Variants in ARAP1 observed in about 807,000 individuals in gnomAD.
The protein encoded by ARAP1 is ArfGAP with RhoGAP domain, ankyrin repeat and PH domain 1.
Under a neutral mutation model 172.2 loss-of-function variants are expected in ARAP1, and 76 were observed. The ratio of observed to expected loss-of-function variants is 0.44; its 90% confidence interval spans 0.37 to 0.53. The LOEUF (loss-of-function observed/expected upper bound fraction) is 0.53. ARAP1 is among the 20% of genes least tolerant of loss of function. The pLI, the probability that ARAP1 is intolerant of heterozygous loss-of-function variation, is 0.00. For synonymous variants in ARAP1, 804 were observed against 803.3 expected (o/e 1.00, Z -0.01); for missense variants, 1,686 against 1,977.5 (o/e 0.85, Z 2.80).
chr11:72,698,617 G>A (rs1254330079), intron 18 of ARAP1, among the ~76,000 whole-genome samples: 7 of 152,134 alleles, frequency 4.6e-5, no homozygotes, highest in East Asian at 3.9e-4. Context: ...TCTAGTCCCC[G>A]AGGCAGAGCT....
chr11:72,698,098 C>A lies in ARAP1; in HGVS notation c.2550G>T (p.Val850=). The A allele has an allele frequency of 6.3e-7, 1 of 1,596,012 alleles. No individual in the cohort carries two copies. Among genetic ancestry groups the A allele is most frequent in the Non-Finnish European group, 8.5e-7 (1 of 1,172,058 alleles). ...EWVKCIAKAF[V]PPLAEDLLAR... ...CCAGCAGATCCTCGGCTAGGGGAGG[C>A]ACGAATGCCTGGCAGAGAGGCGCCG... Residue 850 remains valine, a synonymous_variant, in exon 19 of 35, where the codon GTG becomes GTT. Transcript: ENST00000393609.
chr11:72,746,749 G>T lies in ARAP1; in HGVS notation c.-128+5579C>A, dbSNP rs563197574. On this transcript the variant is annotated intron_variant, in intron 1 of 34. Transcript: ENST00000393609. Reference sequence around the variant, plus strand: ...CACAACTGGGGGCTGGTAAGCCTGGGGGATCCCCAGAGTCGCTCCTTACTG... The same window carrying T: ...CACAACTGGGGGCTGGTAAGCCTGGTGGATCCCCAGAGTCGCTCCTTACTG... Among the ~76,000 whole-genome samples the T allele has an allele frequency of 3.9e-5, 6 of 152,182 alleles. No individual in the cohort carries two copies. In the East Asian group the frequency reaches 1.2e-3, roughly 29 times the overall value.
chr11:72,703,781 T>C (rs1856624966), intron 14 of ARAP1: 1 of 217,436 alleles, frequency 4.6e-6, no homozygotes, highest in Non-Finnish European at 9.3e-6. Context: ...GGGGTGTGGA[T>C]GGGGATGGGT....
intron 4 of ARAP1, among the ~76,000 whole-genome samples, chr11:72,713,906 G>A (rs549144598): frequency 2.0e-5 from 3 of 152,124 alleles, no homozygotes; most frequent in Admixed American, 1.3e-4. Context: ...CAGACCATGG[G>A]TAACTGGCAA....
At chr11:72,714,018 G>T in intron 4 of ARAP1, 134 bp downstream of exon 4, 1 of 1,032,964 alleles carries the variant, frequency 9.7e-7, no homozygotes, top group Non-Finnish European at 1.3e-6. Flanking sequence ...GCTGTGACCT[G>T]CCCGGGGCCA....
intron 3 of ARAP1, 91 bp from the exon 4 acceptor site, chr11:72,714,412 C>T (rs1857183759): frequency 1.5e-6 from 2 of 1,304,734 alleles, no homozygotes; most frequent in Non-Finnish European, 2.1e-6. Context: ...TGCAGCAAAA[C>T]TCAGGCACTA....
chr11:72,699,567 G>T lies in ARAP1; in HGVS notation c.2303-15C>A. ...CCGGCTGAACTCTGGGGAGAATTTG[G>T]GCAGGGGAGCCATCAGGGAGCCCCC... On this transcript the variant is annotated splice_polypyrimidine_tract_variant and intron_variant, in intron 16 of 34. Transcript: ENST00000393609. This position sits in a 1 kb window ranked among gnomAD's most constrained non-coding sequence, Gnocchi z 4.2. 6.2e-7 allele frequency: 1 copy of T among 1,608,200 alleles called. No homozygotes were observed.
chr11:72,720,586 C>T lies in ARAP1; in HGVS notation c.509+6034G>A, dbSNP rs540921772. On this transcript the variant is annotated intron_variant, in intron 3 of 34. Transcript: ENST00000393609. ...GAATGACCACCACCCTACTCGCATCCTCATCACTGGAGAAGGTCTGCAGCT... is the reference window on the plus strand; with the variant it reads ...GAATGACCACCACCCTACTCGCATCTTCATCACTGGAGAAGGTCTGCAGCT... 2.0e-5 allele frequency among the ~76,000 whole-genome samples: 3 copies of T among 152,132 alleles called. No individual in the cohort carries two copies. The South Asian group carries it at 6.2e-4, about 31-fold the overall frequency.
Position 72,726,817 on chromosome 11 carries a change from G to T in ARAP1, c.312C>A (p.Thr104=), listed in dbSNP as rs753211691. 5.8e-6 allele frequency: 9 copies of T among 1,564,376 alleles called. No homozygotes were observed. The highest frequency in any genetic ancestry group is 5.7e-5 in the Admixed American group (3 of 52,806). The change falls in exon 3 of 35, where the codon ACC becomes ACA. Residue 104 remains threonine, a synonymous_variant. Transcript: ENST00000393609. The surrounding 1 kb of genome is among the most constrained non-coding windows in gnomAD (Gnocchi z 6.5). ...CGGGGAGCCCCTCATCCTCTGTAGT[G>T]GTGGGCAGCGGCTCGGGTGGAGTGG... ...VPATPPEPLP[T]TTEDEGLPAA...
In ARAP1 at chr11:72,698,016, G is replaced by A. The variant is rs773872815; in HGVS notation, c.2632C>T (p.Arg878Trp). 24 of 1,610,280 alleles carry A rather than the reference G, an allele frequency of 1.5e-5. No individual in the cohort carries two copies. The highest frequency in any genetic ancestry group is 4.0e-5 in the African/African-American group (3 of 74,870). ...LPYKAGLSLQ[R>W]AQEGWFSLSG... ...AGAGAGAACCAGCCCTCCTGGGCCC[G>A]CTGTAGGCTCAGGCCAGCTTTGTAG... The change falls in exon 19 of 35, where the codon CGG becomes TGG. Residue 878 changes from arginine (R) to tryptophan (W), a missense_variant. This residue lies in a region of ARAP1 where 688 missense variants were observed against 856.9 expected (regional missense o/e 0.80). Transcript: ENST00000393609.
chr11:72,707,093 C>T (rs936708942), intron 12 of ARAP1, 82 bp downstream of exon 12: 3 of 1,390,630 alleles, frequency 2.2e-6, no homozygotes, highest in Admixed American at 2.4e-5. Context: ...GCTCCAGGCC[C>T]TCCTCCAGAT....
At position 72,688,531 on chromosome 11, in the gene ARAP1, G is replaced by C. The variant is rs201834070; in HGVS notation, c.3994C>G (p.Arg1332Gly). ...TTAATAGGCCACTCCTTCTCAGGCC[G>C]GTGACTCTGAGGTAGGGCAAGGAGA... ...PWSGAPETSH[R>G]PEKEWPIKSL... Residue 1332 changes from arginine to glycine, a missense_variant, in exon 31 of 35, where the codon CGG (arginine) becomes GGG (glycine). Arg to Gly is a moderately radical substitution (Grantham distance 125). This residue lies in a region of ARAP1 where 379 missense variants were observed against 500.1 expected (regional missense o/e 0.76). Coordinates refer to ENST00000393609, the MANE Select transcript of ARAP1 (RefSeq NM_001040118.3). 1.4e-5 allele frequency: 23 copies of C among 1,611,324 alleles called. No homozygotes were observed. The highest frequency in any genetic ancestry group is 2.0e-5 in the Non-Finnish European group (23 of 1,178,822).
intron 29 of ARAP1, 79 bp from the exon 30 acceptor site, chr11:72,692,864 T>C: frequency 6.3e-7 from 1 of 1,576,248 alleles, no homozygotes. Context: ...TGTGTGGGGT[T>C]GGGGTGTGTG....
Position 72,705,930 on chromosome 11 carries a change from C to T in ARAP1, c.1724-40G>A, listed in dbSNP as rs773349358. 6 of 1,605,838 alleles carry T rather than the reference C, an allele frequency of 3.7e-6. No individual in the cohort carries two copies. In the African/African-American group the frequency reaches 8.0e-5, roughly 21 times the overall value. On this transcript the variant is annotated intron_variant, in intron 12 of 34. Coordinates refer to ENST00000393609, the MANE Select transcript of ARAP1 (RefSeq NM_001040118.3). ...CCAGACCCAGAATCACCTGGGCCCCCCCTTCACGGGAGCACTTACCCACCC... is the reference window on the plus strand; with the variant it reads ...CCAGACCCAGAATCACCTGGGCCCCTCCTTCACGGGAGCACTTACCCACCC...
intron 3 of ARAP1, among the ~76,000 whole-genome samples, chr11:72,724,791 G>A (rs1048338257): frequency 6.6e-6 from 1 of 152,164 alleles, no homozygotes; most frequent in East Asian, 1.9e-4. Flanking sequence ...CCAAATTGCA[G>A]GAAATACTTT....
rs553372776 is a variant in ARAP1 at position 72,710,974 on chromosome 11, T to C, written c.1213+47A>G. The C allele has an allele frequency of 6.2e-7, 1 of 1,608,542 alleles. No individual in the cohort carries two copies. The highest frequency in any genetic ancestry group is 1.3e-5 in the African/African-American group (1 of 74,892). ...CCCTCCTCTGCCCAAACTTCCAGTCTTCTCTACCCTCTTCTACACACACAC... is the reference window on the plus strand; with the variant it reads ...CCCTCCTCTGCCCAAACTTCCAGTCCTCTCTACCCTCTTCTACACACACAC... On this transcript the variant is annotated intron_variant, in intron 9 of 34. Coordinates refer to ENST00000393609, the MANE Select transcript of ARAP1 (RefSeq NM_001040118.3). The surrounding 1 kb of genome is among the most constrained non-coding windows in gnomAD (Gnocchi z 4.3).
chr11:72,704,085 CA>C, intron 14 of ARAP1, 66 bp downstream of exon 14: 1 of 1,594,980 alleles, frequency 6.3e-7, no homozygotes, highest in East Asian at 2.2e-5. Flanking sequence ...GTTAAGACAG[CA>C]TGAGGAACAG....
At chr11:72,706,441 C>T (rs754535604) in intron 12 of ARAP1, among the ~76,000 whole-genome samples, 2 of 152,212 alleles carry the variant, frequency 1.3e-5, no homozygotes, top group Non-Finnish European at 2.9e-5. Flanking sequence ...ACAGCCACCA[C>T]CTGGGCTACG....
rs771431392 is a variant in ARAP1, at chr11:72,714,164, A to G, written c.667T>C (p.Phe223Leu). 1.3e-6 allele frequency: 2 copies of G among 1,490,564 alleles called. No individual in the cohort carries two copies. Among genetic ancestry groups the G allele is most frequent in the South Asian group, 2.7e-5 (2 of 73,462 alleles). The allele number at this position is 1,490,564 out of a possible 1,614,324, so 92.3% of individuals were successfully genotyped here. ...CTGCAGCACTCACCGAACTCTGGGAACAGGCGTACCGGCTTTGGAGGTATC... is the reference window on the plus strand; with the variant it reads ...CTGCAGCACTCACCGAACTCTGGGAGCAGGCGTACCGGCTTTGGAGGTATC... ...PEIPPKPVRL[F>L]PEFDDSDYDE... The change falls in exon 4 of 35, where the codon TTC becomes CTC. Residue 223 changes from phenylalanine (F) to leucine (L), a missense_variant. This residue lies in a region of ARAP1 where 155 missense variants were observed against 129.2 expected (regional missense o/e 1.20). Coordinates refer to ENST00000393609, the MANE Select transcript of ARAP1 (RefSeq NM_001040118.3).
Sources: allele counts gnomAD v4.1 joint callset (sites outside exome capture counted in the v4.1 genomes callset), GRCh38; gene constraint gnomAD v4.1.1; regional missense constraint gnomAD v4.1.1; non-coding constraint Gnocchi (gnomAD v3.1); transcripts MANE v1.5; gene names NCBI Gene and HGNC (gene_info 2026-07-23, HGNC 2026-07-21).